Variants in OR9G1 observed in about 807,000 individuals in gnomAD.
The protein encoded by OR9G1 is olfactory receptor family 9 subfamily G member 1.
OR9G1 carries 21 observed loss-of-function variants against 14.5 expected under a neutral mutation model. The observed-to-expected ratio is 1.45, with a 90% CI of 1.03 to 2.09. OR9G1 has a LOEUF of 2.09. Ranked by LOEUF, OR9G1 falls within the 30% of genes most tolerant of loss-of-function variation. The pLI, the probability that OR9G1 is intolerant of heterozygous loss-of-function variation, is 0.00. For synonymous variants in OR9G1, 179 were observed against 153.3 expected (o/e 1.17, Z -1.24); for missense variants, 476 against 364.2 (o/e 1.31, Z -2.50).
intron 1 of OR9G1, among the ~76,000 whole-genome samples, 200 bp from the exon 2 acceptor site, chr11:56,700,170 A>C (rs1857586043): frequency 6.6e-6 from 1 of 152,312 alleles, no homozygotes; most frequent in Non-Finnish European, 1.5e-5. Context: ...TAAAGGAAAA[A>C]CATAATTAAA....
intron 1 of OR9G1, among the ~76,000 whole-genome samples, chr11:56,699,592 G>A (rs1329730436): frequency 6.6e-6 from 1 of 152,262 alleles, no homozygotes; most frequent in Admixed American, 6.5e-5. Context: ...TAAGACAGAT[G>A]TATGCTAGAT....
intron 1 of OR9G1, among the ~76,000 whole-genome samples, chr11:56,700,045 A>C (rs1449842076): frequency 1.3e-5 from 2 of 152,312 alleles, no homozygotes; most frequent in Non-Finnish European, 2.9e-5. Context: ...AGTGATACTT[A>C]AAAATAGAAA....
At chr11:56,700,238 A>G in intron 1 of OR9G1, 132 bp from the exon 2 acceptor site, 2 of 1,383,892 alleles carry the variant, frequency 1.4e-6, no homozygotes, top group Non-Finnish European at 1.9e-6. Context: ...TTGCAAAATG[A>G]AGACTTTCTA....
rs567813846 is a variant in OR9G1, at chr11:56,703,878, A to C, written c.*2573A>C. ...TTAGCTCTAGAATTATGTCTAAGTA[A>C]TATTACAGAGACCCTAGTAAAAAGA... On this transcript the variant is annotated 3_prime_UTR_variant, in exon 2 of 2. Transcript: ENST00000642097. 1.3e-4 allele frequency: 19 copies of C among 145,214 alleles called. No individual in the cohort carries two copies. The highest frequency in any genetic ancestry group is 2.4e-4 in the Non-Finnish European group (16 of 65,744). 9.0% of individuals were successfully genotyped at this position (145,214 alleles called of 1,614,324 possible).
At position 56,701,142 on chromosome 11, in the gene OR9G1, G is replaced by A; in HGVS notation, c.755G>A (p.Gly252Asp). The stretch of plus-strand genomic sequence containing the variant: ...CTGACCTCTGTCACTTTATACTATG[G>A]CTCCATTCTCTACATCTACGCTCTC... ...SHLTSVTLYY[G>D]SILYIYALPR... The change falls in exon 2 of 2, where the codon GGC (glycine) becomes GAC (aspartate). Residue 252 changes from glycine to aspartate, a missense_variant. By Grantham distance (94) the Gly-to-Asp change is moderately conservative. This residue lies in a region of OR9G1 where 352 missense variants were observed against 211.6 expected (regional missense o/e 1.66). Transcript: ENST00000642097. 8.1e-6 allele frequency: 13 copies of A among 1,614,314 alleles called. No homozygotes were observed. The highest frequency in any genetic ancestry group is 1.0e-5 in the Non-Finnish European group (12 of 1,180,056).
intron 1 of OR9G1, 105 bp from the exon 2 acceptor site, chr11:56,700,265 T>G (rs1857588048): frequency 6.9e-7 from 1 of 1,452,814 alleles, no homozygotes; most frequent in Non-Finnish European, 9.1e-7. Context: ...ACAATTAGAT[T>G]GTTGGTTCTA....
At position 56,700,420 on chromosome 11, in the gene OR9G1, T is replaced by G; in HGVS notation, c.33T>G (p.Phe11Leu). The change falls in exon 2 of 2, where the codon TTT (phenylalanine) becomes TTG (leucine). Residue 11 changes from phenylalanine (F) to leucine (L), a missense_variant. By Grantham distance (22) the Phe-to-Leu change is conservative (BLOSUM62 0). This residue lies in a region of OR9G1 where 89 missense variants were observed against 85.1 expected (regional missense o/e 1.05). Transcript: ENST00000642097. Reference sequence around the variant, plus strand: ...GGAGCAATCATACAGTGACTGAGTTTATACTGCTGGGCTTCACCACAGACC... The same window carrying G: ...GGAGCAATCATACAGTGACTGAGTTGATACTGCTGGGCTTCACCACAGACC... MQRSNHTVTE[F>L]ILLGFTTDPG... 6.2e-7 allele frequency: 1 copy of G among 1,614,298 alleles called. No homozygotes were observed. The highest frequency in any genetic ancestry group is 1.1e-5 in the South Asian group (1 of 91,090).
In OR9G1 at chr11:56,700,824, T is replaced by G; in HGVS notation, c.437T>G (p.Val146Gly). Reference sequence around the variant, plus strand: ...AAGCTGTGTGCATTGCTGGTAGCAGTCTCATATTGTGGTGGCTTTATTAAC... The same window carrying G: ...AAGCTGTGTGCATTGCTGGTAGCAGGCTCATATTGTGGTGGCTTTATTAAC... ...SIKLCALLVA[V>G]SYCGGFINSS... The change falls in exon 2 of 2, where the codon GTC (valine) becomes GGC (glycine). Residue 146 changes from valine to glycine, a missense_variant. Val to Gly is a moderately radical substitution (Grantham distance 109). Coordinates refer to ENST00000642097, the MANE Select transcript of OR9G1 (RefSeq NM_001005213.2). The G allele has an allele frequency of 6.2e-7, 1 of 1,614,318 alleles. No homozygotes were observed. The highest frequency in any genetic ancestry group is 8.5e-7 in the Non-Finnish European group (1 of 1,180,060).
chr11:56,700,948 C>T lies in OR9G1; in HGVS notation c.561C>T (p.Ala187=), dbSNP rs1857615045. The T allele has an allele frequency of 6.2e-7, 1 of 1,614,140 alleles. No homozygotes were observed. The highest frequency in any genetic ancestry group is 1.3e-5 in the African/African-American group (1 of 74,968). Residue 187 remains alanine (A), a synonymous_variant, in exon 2 of 2, where the codon GCC becomes GCT. Transcript: ENST00000642097. Reference sequence around the variant, plus strand: ...ATTTGCTTCCCTTGGTGGAGCTGGCCTGTGGCGAGAAGGGCGGCTATAAAA... The same window carrying T: ...ATTTGCTTCCCTTGGTGGAGCTGGCTTGTGGCGAGAAGGGCGGCTATAAAA... ...FCDLLPLVEL[A]CGEKGGYKIM... is the part of the protein sequence containing the mutation.
rs1437176368 is a variant in OR9G1 at position 56,701,041 on chromosome 11, C to G, written c.654C>G (p.Leu218=). 1.9e-6 allele frequency: 3 copies of G among 1,614,166 alleles called. No individual in the cohort carries two copies. The highest frequency in any genetic ancestry group is 8.5e-7 in the Non-Finnish European group (1 of 1,180,034). Residue 218 remains leucine (L), a synonymous_variant, in exon 2 of 2, where the codon CTC becomes CTG. Transcript: ENST00000642097. ...CAGTGCTCATCCTGGCCTCCTACCT[C>G]TTTATCATCACCAGTGTCTTGAGGA... ...CPAVLILASY[L]FIITSVLRIS...
At position 56,701,116 on chromosome 11, in the gene OR9G1, C is replaced by T. The variant is rs1238690601; in HGVS notation, c.729C>T (p.His243=). The T allele has an allele frequency of 6.2e-7, 1 of 1,614,186 alleles. No homozygotes were observed. The highest frequency in any genetic ancestry group is 8.5e-7 in the Non-Finnish European group (1 of 1,180,064). Residue 243 remains histidine (H), a synonymous_variant, in exon 2 of 2, where the codon CAC becomes CAT. Transcript: ENST00000642097. ...YLKAFSTCSS[H]LTSVTLYYGS... ...AAGCCTTCTCCACATGCTCCTCCCA[C>T]CTGACCTCTGTCACTTTATACTATG...
In OR9G1 at chr11:56,702,543, T is replaced by A. The variant is rs1565049414; in HGVS notation, c.*1238T>A. 2 of 152,260 alleles carry A rather than the reference T, an allele frequency of 1.3e-5. No homozygotes were observed. Among genetic ancestry groups the A allele is most frequent in the Non-Finnish European group, 2.9e-5 (2 of 68,040 alleles). The allele number at this position is 152,260 out of a possible 1,614,324, so 9.4% of individuals were successfully genotyped here. A position where few individuals can be genotyped will look rare whatever the true frequency, so the allele number is the denominator to read the frequency against. ...GTATAAGAGTTCCCTTTACTCCACA[T>A]CCTGGCCAATGCTTGATAATTTTCA... On this transcript the variant is annotated 3_prime_UTR_variant, in exon 2 of 2. Transcript: ENST00000642097.
Position 56,701,544 on chromosome 11 carries a change from A to C in OR9G1, c.*239A>C. 1 of 633,052 alleles carries C rather than the reference A, an allele frequency of 1.6e-6. No individual in the cohort carries two copies. Among genetic ancestry groups the C allele is most frequent in the Non-Finnish European group, 2.5e-6 (1 of 400,538 alleles). 39.2% of individuals were successfully genotyped at this position (633,052 alleles called of 1,614,324 possible). A position where few individuals can be genotyped will look rare whatever the true frequency, so the allele number is the denominator to read the frequency against. Reference sequence around the variant, plus strand: ...AAACAAACATAAACCTTAAGCCCAAAACCTCTCCTATACCTTCATAAAGTG... The same window carrying C: ...AAACAAACATAAACCTTAAGCCCAACACCTCTCCTATACCTTCATAAAGTG... On this transcript the variant is annotated 3_prime_UTR_variant, in exon 2 of 2. Coordinates refer to ENST00000642097, the MANE Select transcript of OR9G1 (RefSeq NM_001005213.2).
intron 1 of OR9G1, among the ~76,000 whole-genome samples, chr11:56,699,400 TACTAAC>T (rs1857567356): frequency 6.6e-6 from 1 of 152,312 alleles, no homozygotes; most frequent in Admixed American, 6.5e-5. Flanking sequence ...TAACACTGTT[TACTAAC>T]ATTGATGTTT....
Position 56,702,147 on chromosome 11 carries a change from G to T in OR9G1, c.*842G>T, listed in dbSNP as rs887828190. 1 of 152,272 alleles carries T rather than the reference G, an allele frequency of 6.6e-6. No individual in the cohort carries two copies. Among genetic ancestry groups the T allele is most frequent in the Non-Finnish European group, 1.5e-5 (1 of 68,046 alleles). The allele number at this position is 152,272 out of a possible 1,614,324, so 9.4% of individuals were successfully genotyped here. On this transcript the variant is annotated 3_prime_UTR_variant, in exon 2 of 2. Transcript: ENST00000642097. ...TTTATAGAGAGAATATGTATGTACA[G>T]GTGTGATTCAACAAAAGGATATTTC...
In OR9G1 at chr11:56,700,938, T is replaced by C. The variant is rs1857614547; in HGVS notation, c.551T>C (p.Val184Ala). The C allele has an allele frequency of 6.2e-7, 1 of 1,614,142 alleles. No homozygotes were observed. Among genetic ancestry groups the C allele is most frequent in the Non-Finnish European group, 8.5e-7 (1 of 1,180,020 alleles). ...DDFFCDLLPL[V>A]ELACGEKGGY... is the part of the protein sequence containing the mutation. ...TTTTTCTGTGATTTGCTTCCCTTGG[T>C]GGAGCTGGCCTGTGGCGAGAAGGGC... Residue 184 changes from valine to alanine, a missense_variant, in exon 2 of 2, where the codon GTG becomes GCG. This residue lies in a region of OR9G1 where 352 missense variants were observed against 211.6 expected (regional missense o/e 1.66). Transcript: ENST00000642097.
chr11:56,700,533 G>C lies in OR9G1; in HGVS notation c.146G>C (p.Cys49Ser), dbSNP rs749269434. The C allele has an allele frequency of 1.2e-6, 2 of 1,614,202 alleles. No individual in the cohort carries two copies. Among genetic ancestry groups the C allele is most frequent in the East Asian group, 2.2e-5 (1 of 44,908 alleles). ...VGNSTLIVLI[C>S]NDSCLHTPMY... ...AATAGCACCCTCATCGTGTTGATCT[G>C]TAATGACTCCTGCCTCCACACACCC... The change falls in exon 2 of 2, where the codon TGT (cysteine) becomes TCT (serine). Residue 49 changes from cysteine (C) to serine (S), a missense_variant. Cys to Ser is a moderately radical substitution (Grantham distance 112, BLOSUM62 -1). Coordinates refer to ENST00000642097, the MANE Select transcript of OR9G1 (RefSeq NM_001005213.2).
chr11:56,700,556 C>T lies in OR9G1; in HGVS notation c.169C>T (p.Pro57Ser), dbSNP rs139045527. 4.3e-6 allele frequency: 7 copies of T among 1,614,156 alleles called. No individual in the cohort carries two copies. The highest frequency in any genetic ancestry group is 5.1e-6 in the Non-Finnish European group (6 of 1,180,028). ...LICNDSCLHT[P>S]MYFFTGNLSF... ...CTGTAATGACTCCTGCCTCCACACACCCATGTATTTTTTCACTGGAAATCT... is the reference window on the plus strand; with the variant it reads ...CTGTAATGACTCCTGCCTCCACACATCCATGTATTTTTTCACTGGAAATCT... The change falls in exon 2 of 2, where the codon CCC becomes TCC. Residue 57 changes from proline (P) to serine (S), a missense_variant. By Grantham distance (74) the Pro-to-Ser change is moderately conservative (BLOSUM62 -1). Transcript: ENST00000642097.
rs1178243990 is a variant in OR9G1, at chr11:56,700,895, G to T, written c.508G>T (p.Glu170Ter). Residue 170 changes from glutamate to a stop codon, truncating the protein, a stop_gained, in exon 2 of 2, where the codon GAA (glutamate) becomes TAA (stop). Transcript: ENST00000642097. LOFTEE classifies it high-confidence loss of function. ...KKTFSFNFCR[E>*]NIIDDFFCDL... ...AACGTTTTCCTTTAACTTCTGCCGT[G>T]AAAACATCATTGATGACTTTTTCTG... The T allele has an allele frequency of 6.2e-7, 1 of 1,614,268 alleles. No individual in the cohort carries two copies. Among genetic ancestry groups the T allele is most frequent in the Admixed American group, 1.7e-5 (1 of 60,032 alleles).
Sources: allele counts gnomAD v4.1 joint callset (sites outside exome capture counted in the v4.1 genomes callset), GRCh38; gene constraint gnomAD v4.1.1; regional missense constraint gnomAD v4.1.1; transcripts MANE v1.5; gene names NCBI Gene and HGNC (gene_info 2026-07-23, HGNC 2026-07-21).